KCNK2: variants seen among roughly 807,000 people sequenced by gnomAD.
KCNK2 encodes the protein potassium two pore domain channel subfamily K member 2, also known as potassium channel subfamily K member 2.
In KCNK2, 21 loss-of-function variants were observed where a neutral mutation model predicts 40.5. The observed-to-expected ratio is 0.52, with a 90% CI of 0.37 to 0.75. The LOEUF is 0.75. Among genes scored for constraint, KCNK2 ranks in the 30% least tolerant of loss-of-function variants. The probability of loss-of-function intolerance (pLI) is 0.00; values close to 1 mark genes in which losing one functional copy is unlikely to be tolerated. For missense variants in KCNK2, 399 were observed against 531.6 expected, an observed-to-expected ratio of 0.75 and a Z score of 2.45; for synonymous variants, 191 against 202.2, an observed-to-expected ratio of 0.94 and a Z score of 0.47.
intron 2 of KCNK2, among the ~76,000 whole-genome samples, chr1:215,121,575 A>C (rs1351525287): frequency 6.6e-6 from 1 of 152,178 alleles, no homozygotes; most frequent in Non-Finnish European, 1.5e-5. Flanking sequence ...ACACTTGGCC[A>C]AAGATATTTT....
intron 1 of KCNK2, among the ~76,000 whole-genome samples, chr1:215,010,365 A>G (rs948373930): frequency 6.6e-6 from 1 of 152,124 alleles, no homozygotes; most frequent in Non-Finnish European, 1.5e-5. Flanking sequence ...AATGCTTCTG[A>G]TTGGTGGCAT....
At chr1:215,106,972 GT>G (rs1660463509) in intron 2 of KCNK2, among the ~76,000 whole-genome samples, 1 of 151,146 alleles carries the variant, frequency 6.6e-6, no homozygotes, top group African/African-American at 2.4e-5. Flanking sequence ...GTACCATGCT[GT>G]TTTGGTTACT....
rs5780811 is a variant in KCNK2, at chr1:215,022,129, A to ATCTATCTATCT, written c.34+16174_34+16175insTCTATCTATCT. On this transcript the variant is annotated intron_variant, in intron 1 of 6. Coordinates refer to the KCNK2 transcript ENST00000391895. ...CTCCTATCTATCTATCTATCTATCT[A>ATCTATCTATCT]ATCATCTATCTATCTAATCCATCTA... Among the ~76,000 whole-genome samples, 1,121 of 123,016 alleles carry ATCTATCTATCT rather than the reference A, an allele frequency of 9.1e-3. 10 individuals carry two copies. Among genetic ancestry groups the ATCTATCTATCT allele is most frequent in the Middle Eastern group, 0.017 (3 of 176 alleles). The allele number at this position is 123,016 out of a possible 152,430, so 80.7% of individuals were successfully genotyped here. A position where few individuals can be genotyped will look rare whatever the true frequency, so the allele number is the denominator to read the frequency against.
chr1:215,089,327 T>C (rs1175780492), intron 2 of KCNK2, among the ~76,000 whole-genome samples: 1 of 152,184 alleles, frequency 6.6e-6, no homozygotes, highest in Non-Finnish European at 1.5e-5. Flanking sequence ...CTTTCAGTGC[T>C]GAGGGGGGAA....
chr1:215,187,440 T>C (rs2102655705), intron 5 of KCNK2, among the ~76,000 whole-genome samples: 1 of 152,282 alleles, frequency 6.6e-6, no homozygotes, highest in African/African-American at 2.4e-5. Flanking sequence ...TCAACTTTTC[T>C]CTTTCTTTAT....
At chr1:215,048,801 G>T (rs1299900769) in intron 1 of KCNK2, among the ~76,000 whole-genome samples, 2 of 152,160 alleles carry the variant, frequency 1.3e-5, no homozygotes, top group Non-Finnish European at 2.9e-5. Flanking sequence ...ATTCATCCCA[G>T]CCTGGACATG....
chr1:215,100,888 T>C (rs112145672), intron 2 of KCNK2, among the ~76,000 whole-genome samples: 6,602 of 152,142 alleles, frequency 0.043, 197 homozygotes, highest in Middle Eastern at 0.092. Flanking sequence ...TGATTTGCAG[T>C]ATAGTTTTGT....
chr1:215,075,826 G>A (rs1658907074), intron 1 of KCNK2, among the ~76,000 whole-genome samples: 1 of 152,118 alleles, frequency 6.6e-6, no homozygotes, highest in Non-Finnish European at 1.5e-5. Context: ...AAGCTATCAG[G>A]GCAGAATGAA....
chr1:215,083,101 G>T lies in KCNK2; in HGVS notation c.-285G>T. 3 of 482,754 alleles carry T rather than the reference G, an allele frequency of 6.2e-6. No individual in the cohort carries two copies. Among genetic ancestry groups the T allele is most frequent in the Non-Finnish European group, 7.0e-6 (2 of 284,010 alleles). 29.9% of individuals were successfully genotyped at this position (482,754 alleles called of 1,614,324 possible). On this transcript the variant is annotated 5_prime_UTR_variant, in exon 1 of 7. Transcript: ENST00000444842. Reference sequence around the variant, plus strand: ...GGCCCGGCAGCAGGCGCGCGCGGGGGCGGCGGCGCCCAAGCCCAACTTGGC... The same window carrying T: ...GGCCCGGCAGCAGGCGCGCGCGGGGTCGGCGGCGCCCAAGCCCAACTTGGC...
intron 3 of KCNK2, among the ~76,000 whole-genome samples, chr1:215,157,002 G>A (rs1025355343): frequency 6.6e-6 from 1 of 152,086 alleles, no homozygotes; most frequent in Non-Finnish European, 1.5e-5. Flanking sequence ...AGTGAGCCGA[G>A]ATTGCACCAT....
At chr1:215,015,443 C>A (rs1013409728) in intron 1 of KCNK2, among the ~76,000 whole-genome samples, 5 of 152,046 alleles carry the variant, frequency 3.3e-5, no homozygotes, top group Non-Finnish European at 7.4e-5. Context: ...GATTTCTGAA[C>A]CACATAAAAT....
chr1:215,142,660 C>T (rs1276545540), intron 3 of KCNK2, among the ~76,000 whole-genome samples: 1 of 152,100 alleles, frequency 6.6e-6, no homozygotes, highest in East Asian at 1.9e-4. Flanking sequence ...TCAATGTGAG[C>T]AGGCTCAGTA....
intron 3 of KCNK2, among the ~76,000 whole-genome samples, chr1:215,138,002 A>ATTGGC (rs1349274184): frequency 6.6e-5 from 10 of 152,316 alleles, no homozygotes; most frequent in East Asian, 1.9e-4. Flanking sequence ...GTTTAGAACC[A>ATTGGC]TTGGCTTGTA....
At chr1:215,229,627 G>A (rs1666534655) in intron 6 of KCNK2, among the ~76,000 whole-genome samples, 1 of 151,520 alleles carries the variant, frequency 6.6e-6, no homozygotes, top group Non-Finnish European at 1.5e-5. Flanking sequence ...TCATGCCACA[G>A]ACTGGAAGAC....
At chr1:215,130,320 A>T (rs1661613836) in intron 3 of KCNK2, among the ~76,000 whole-genome samples, 1 of 152,168 alleles carries the variant, frequency 6.6e-6, no homozygotes, top group Admixed American at 6.5e-5. Context: ...TGTGGAACAT[A>T]GAAGCTCCGT....
chr1:215,117,921 C>T (rs1661020572), intron 2 of KCNK2, among the ~76,000 whole-genome samples: 1 of 152,116 alleles, frequency 6.6e-6, no homozygotes, highest in Non-Finnish European at 1.5e-5. Flanking sequence ...GCAGCCCAAT[C>T]ATTAAGACTG....
At chr1:215,193,643 CAT>C (rs1261029899) in intron 5 of KCNK2, among the ~76,000 whole-genome samples, 1 of 152,202 alleles carries the variant, frequency 6.6e-6, no homozygotes, top group Non-Finnish European at 1.5e-5. Flanking sequence ...AAAAGCTTCT[CAT>C]GGGGCTTCCC....
intron 6 of KCNK2, among the ~76,000 whole-genome samples, chr1:215,206,287 G>A (rs890273201): frequency 6.6e-6 from 1 of 152,122 alleles, no homozygotes; most frequent in African/African-American, 2.4e-5. Flanking sequence ...TTCAGATATG[G>A]AAGAGTAGAA....
intron 3 of KCNK2, among the ~76,000 whole-genome samples, chr1:215,154,148 C>T (rs1235300256): frequency 1.3e-5 from 2 of 152,134 alleles, no homozygotes; most frequent in Admixed American, 1.3e-4. Context: ...ATTTATGATT[C>T]TACATCCTTG....
Sources: allele counts gnomAD v4.1 joint callset (sites outside exome capture counted in the v4.1 genomes callset), GRCh38; gene constraint gnomAD v4.1.1; transcripts MANE v1.5; gene names NCBI Gene and HGNC (gene_info 2026-07-23, HGNC 2026-07-21).